The following GPM6A variants were observed in gnomAD, a reference collection of about 807,000 sequenced individuals.
GPM6A encodes glycoprotein M6A.
GPM6A carries 7 observed loss-of-function variants against 32.1 expected under a neutral mutation model. That is an observed-to-expected ratio of 0.22 (90% confidence interval 0.12 to 0.41). The LOEUF (loss-of-function observed/expected upper bound fraction) is 0.41. Ranked by LOEUF, GPM6A falls within the 10% of genes least tolerant of loss-of-function variation. The pLI is 1.00. For synonymous variants in GPM6A, 130 were observed against 123.4 expected, an observed-to-expected ratio of 1.05 and a Z score of -0.35; for missense variants, 235 against 347.2, an observed-to-expected ratio of 0.68 and a Z score of 2.57.
chr4:175,697,759 G>T (rs1744660077), intron 2 of GPM6A, among the ~76,000 whole-genome samples: 1 of 151,994 alleles, frequency 6.6e-6, no homozygotes, highest in Admixed American at 6.6e-5. Flanking sequence ...CTCTCTGGAG[G>T]TTGCCACACC....
rs1579652664 is a variant in GPM6A, at chr4:175,946,551, T to C, written c.-23+55758A>G. Among the ~76,000 whole-genome samples, 3 of 152,286 alleles carry C rather than the reference T, an allele frequency of 2.0e-5. No individual in the cohort carries two copies. In the South Asian group the frequency reaches 6.2e-4, roughly 32 times the overall value. ...GTGATGAAGATGAACTGTCAAAGCC[T>C]ACTTTTCTAGGTGGGTCAGGGAAGA... On this transcript the variant is annotated intron_variant, in intron 1 of 7. Coordinates refer to the GPM6A transcript ENST00000280187.
At chr4:175,660,819 A>T (rs1236250618) in intron 3 of GPM6A, among the ~76,000 whole-genome samples, 1 of 152,236 alleles carries the variant, frequency 6.6e-6, no homozygotes, top group African/African-American at 2.4e-5. Context: ...GGTCTGATTT[A>T]TGTGGAAGAA....
intron 1 of GPM6A, among the ~76,000 whole-genome samples, chr4:175,805,367 T>G (rs779939619): frequency 5.3e-5 from 8 of 152,192 alleles, no homozygotes; most frequent in Non-Finnish European, 1.2e-4. Flanking sequence ...AGAAAATAGT[T>G]TCCCAGACAT....
Position 175,651,990 on chromosome 4 carries a change from G to A in GPM6A, c.388-3C>T. ...AAAAGATATGTCAGCATAATGAACT[G>A]CAAAAGAGAAAGAAATGGAGAGAGA... On this transcript the variant is annotated splice_region_variant and splice_polypyrimidine_tract_variant and intron_variant, in intron 3 of 6. Coordinates refer to ENST00000393658, the MANE Select transcript of GPM6A (RefSeq NM_201591.3). 1 of 1,597,884 alleles carries A rather than the reference G, an allele frequency of 6.3e-7. No individual in the cohort carries two copies. The highest frequency in any genetic ancestry group is 8.5e-7 in the Non-Finnish European group (1 of 1,173,782).
intron 2 of GPM6A, among the ~76,000 whole-genome samples, chr4:175,694,025 G>A (rs1744437361): frequency 6.6e-6 from 1 of 152,114 alleles, no homozygotes; most frequent in South Asian, 2.1e-4. Context: ...AGATAGGCCT[G>A]TTTCCCTTTT....
chr4:175,688,470 T>G (rs1438401591), intron 2 of GPM6A, among the ~76,000 whole-genome samples: 1 of 152,232 alleles, frequency 6.6e-6, no homozygotes, highest in African/African-American at 2.4e-5. Flanking sequence ...TTTGTCATTG[T>G]GTCTTCTTGG....
intron 1 of GPM6A, among the ~76,000 whole-genome samples, chr4:175,870,483 C>T (rs951833665): frequency 6.6e-6 from 1 of 152,088 alleles, no homozygotes; most frequent in Admixed American, 6.6e-5. Flanking sequence ...GAGGATACAA[C>T]AATAAAAATA....
At position 175,668,893 on chromosome 4, in the gene GPM6A, A is replaced by G. The variant is rs148014735; in HGVS notation, c.387+4787T>C. The stretch of plus-strand genomic sequence containing the variant: ...ATAACCATCCTATTAAATGAACTCA[A>G]ATAAACCATAAAATGGTAGGGAAGC... On this transcript the variant is annotated intron_variant, in intron 3 of 6. Coordinates refer to ENST00000393658, the MANE Select transcript of GPM6A (RefSeq NM_201591.3). Among the ~76,000 whole-genome samples the G allele has an allele frequency of 1.2e-3, 187 of 152,322 alleles. 2 individuals carry two copies. The highest frequency in any genetic ancestry group is 6.8e-3 in the Middle Eastern group (2 of 294).
chr4:175,862,731 T>C (rs1006738556), intron 1 of GPM6A, among the ~76,000 whole-genome samples: 1 of 151,750 alleles, frequency 6.6e-6, no homozygotes, highest in African/African-American at 2.4e-5. Context: ...TTTATGTTTT[T>C]GTCTTTTTTT....
intron 1 of GPM6A, among the ~76,000 whole-genome samples, chr4:175,899,383 A>G (rs1495713): frequency 0.44 from 67,636 of 152,052 alleles, 15,334 homozygotes; most frequent in Admixed American, 0.52. Flanking sequence ...TACATGATAA[A>G]TGCTAAGCAT....
intron 1 of GPM6A, among the ~76,000 whole-genome samples, chr4:175,832,936 G>A (rs1222760525): frequency 6.6e-6 from 1 of 152,114 alleles, no homozygotes; most frequent in Admixed American, 6.5e-5. Flanking sequence ...TACTATTTCT[G>A]CACTGCGAAG....
chr4:175,766,934 T>C (rs1194032248), intron 1 of GPM6A, among the ~76,000 whole-genome samples: 1 of 151,880 alleles, frequency 6.6e-6, no homozygotes, highest in Non-Finnish European at 1.5e-5. Flanking sequence ...GGTTTTCAGG[T>C]GTAAGCCAGC....
chr4:175,714,048 G>A (rs892694406), intron 1 of GPM6A, among the ~76,000 whole-genome samples: 2 of 151,748 alleles, frequency 1.3e-5, no homozygotes, highest in African/African-American at 4.8e-5. Flanking sequence ...ACCTATTTGT[G>A]GATGGGTATC....
At chr4:175,961,942 C>G in intron 1 of GPM6A, 1 of 467,654 alleles carries the variant, frequency 2.1e-6, no homozygotes, top group East Asian at 4.5e-5. Context: ...CAGGACAGGA[C>G]AGTGCTGCCC....
At chr4:175,981,446 G>GT (rs1740812878) in intron 1 of GPM6A, among the ~76,000 whole-genome samples, 1 of 152,080 alleles carries the variant, frequency 6.6e-6, no homozygotes, top group African/African-American at 2.4e-5. Flanking sequence ...GCACTGCTTT[G>GT]TTTTTTATCT....
At chr4:175,756,467 T>A (rs1732528972) in intron 1 of GPM6A, among the ~76,000 whole-genome samples, 1 of 152,128 alleles carries the variant, frequency 6.6e-6, no homozygotes, top group Non-Finnish European at 1.5e-5. Context: ...GCTGGTTTCA[T>A]GTTGTGTGTG....
intron 2 of GPM6A, among the ~76,000 whole-genome samples, chr4:175,698,365 T>C (rs189311210): frequency 6.6e-6 from 1 of 152,316 alleles, no homozygotes; most frequent in African/African-American, 2.4e-5. Flanking sequence ...TATGCTCTTA[T>C]ACATTCTTTT....
intron 1 of GPM6A, among the ~76,000 whole-genome samples, chr4:175,954,498 T>C (rs773845233): frequency 6.6e-6 from 1 of 152,334 alleles, no homozygotes; most frequent in Middle Eastern, 3.4e-3. Flanking sequence ...ATGTGTAGAG[T>C]ACTGAGGACA....
intron 1 of GPM6A, among the ~76,000 whole-genome samples, chr4:175,997,844 A>T (rs991390648): frequency 6.6e-6 from 1 of 152,166 alleles, no homozygotes. Flanking sequence ...TATACTCTTA[A>T]ATCTAATGTG....
Sources: allele counts gnomAD v4.1 joint callset (sites outside exome capture counted in the v4.1 genomes callset), GRCh38; gene constraint gnomAD v4.1.1; transcripts MANE v1.5; gene names NCBI Gene and HGNC (gene_info 2026-07-23, HGNC 2026-07-21).